Variants in MED12L observed in about 807,000 individuals in gnomAD.
MED12L encodes mediator complex subunit 12L.
MED12L carries 60 observed loss-of-function variants against 281.3 expected under a neutral mutation model. The observed-to-expected ratio is 0.21, with a 90% CI of 0.17 to 0.26. MED12L has a LOEUF of 0.26. MED12L is among the 10% of genes least tolerant of loss of function. MED12L has a pLI of 1.00. For missense variants in MED12L, 2,146 were observed against 2,680.9 expected, an observed-to-expected ratio of 0.80 and a Z score of 4.41; for synonymous variants, 974 against 987.2, an observed-to-expected ratio of 0.99 and a Z score of 0.25.
chr3:151,417,635 G>A (rs1324193437), intron 43 of MED12L, among the ~76,000 whole-genome samples: 2 of 151,734 alleles, frequency 1.3e-5, no homozygotes, highest in African/African-American at 4.8e-5. Context: ...ACAGGCACCT[G>A]CCACCACACC....
At chr3:151,357,131 A>G in intron 19 of MED12L, 82 bp from the exon 20 acceptor site, 2 of 1,183,468 alleles carry the variant, frequency 1.7e-6, no homozygotes, top group South Asian at 1.7e-5. Context: ...ATGACTCAGT[A>G]TATCTATGGT....
intron 11 of MED12L, among the ~76,000 whole-genome samples, chr3:151,182,151 A>G (rs1722777108): frequency 6.6e-6 from 1 of 152,212 alleles, no homozygotes; most frequent in African/African-American, 2.4e-5. Flanking sequence ...CATTATTTAG[A>G]GATTAGAGCA....
intron 16 of MED12L, among the ~76,000 whole-genome samples, chr3:151,236,664 G>A (rs1732884374): frequency 1.3e-5 from 2 of 151,992 alleles, no homozygotes; most frequent in Admixed American, 1.3e-4. Context: ...ACATCTATAT[G>A]TATTCCTAAA....
At chr3:151,408,118 A>C (rs1183611041) in intron 39 of MED12L, among the ~76,000 whole-genome samples, 1 of 152,174 alleles carries the variant, frequency 6.6e-6, no homozygotes, top group African/African-American at 2.4e-5. Flanking sequence ...AGATCATGGC[A>C]CTGCCAGGTC....
chr3:151,408,036 A>G (rs909174542), intron 39 of MED12L, among the ~76,000 whole-genome samples: 2 of 152,202 alleles, frequency 1.3e-5, no homozygotes, highest in African/African-American at 4.8e-5. Context: ...TTTCATCCTT[A>G]ATGTCACACA....
intron 16 of MED12L, among the ~76,000 whole-genome samples, chr3:151,232,827 T>C (rs977017137): frequency 7.9e-5 from 12 of 152,098 alleles, no homozygotes; most frequent in Non-Finnish European, 1.6e-4. Context: ...AAGATAACTA[T>C]TGGGTACTAG....
intron 34 of MED12L, 28 bp from the exon 35 acceptor site, chr3:151,384,055 A>C: frequency 6.3e-7 from 1 of 1,598,756 alleles, no homozygotes; most frequent in South Asian, 1.1e-5. Context: ...TTTCACTTTA[A>C]GATGAAAATA....
At chr3:151,089,828 C>T (rs1183463935) in intron 2 of MED12L, among the ~76,000 whole-genome samples, 2 of 152,162 alleles carry the variant, frequency 1.3e-5, no homozygotes, top group African/African-American at 4.8e-5. Context: ...GTGCTCAAGC[C>T]TTTAAAGCAG....
In MED12L at chr3:151,313,328, C is replaced by T. The variant is rs75867799; in HGVS notation, c.2251-36731C>T. ...GGCCATTTATCTACTGTAGTCTATA[C>T]TATGGTACTAGTATATGGTAAATAT... On this transcript the variant is annotated intron_variant, in intron 16 of 44. Transcript: ENST00000687756. Among the ~76,000 whole-genome samples, 397 of 152,242 alleles carry T rather than the reference C, an allele frequency of 2.6e-3. 1 individual carries two copies. Among genetic ancestry groups the T allele is most frequent in the African/African-American group, 9.1e-3 (377 of 41,532 alleles).
intron 4 of MED12L, among the ~76,000 whole-genome samples, chr3:151,127,427 A>C (rs992665331): frequency 2.6e-5 from 4 of 152,198 alleles, no homozygotes; most frequent in Non-Finnish European, 4.4e-5. Context: ...GAGTAGGGAC[A>C]ATTTTCACTT....
chr3:151,418,021 C>A (rs1039921143), intron 43 of MED12L, among the ~76,000 whole-genome samples: 1 of 151,964 alleles, frequency 6.6e-6, no homozygotes, highest in African/African-American at 2.4e-5. Flanking sequence ...TCTAGTGTCC[C>A]GTACAAGAAC....
At chr3:151,326,302 C>T (rs1251757510) in intron 16 of MED12L, 1 of 152,484 alleles carries the variant, frequency 6.6e-6, no homozygotes. Context: ...ATAAAATAAA[C>T]CAAATGGGCT....
rs760583473 is a variant in MED12L, at chr3:151,198,560, G to A, written c.2250+4894G>A. The A allele has an allele frequency of 1.8e-5, 29 of 1,613,888 alleles. No homozygotes were observed. Among genetic ancestry groups the A allele is most frequent in the African/African-American group, 2.7e-5 (2 of 74,902 alleles). ...CAGGATAGGATCAAAGCACAGGTTC[G>A]ACACAGCCAGGAGCAGTGTAGCCTC... On this transcript the variant is annotated intron_variant, in intron 16 of 44. Transcript: ENST00000687756.
rs1049021224 is a variant in MED12L, at chr3:151,337,626, T to G, written c.2251-12433T>G. ...CTGCTAATACAGCTACAGTTTAGAT[T>G]AGTTTTCTATATTTTAAGATAGCTT... On this transcript the variant is annotated intron_variant, in intron 16 of 44. Coordinates refer to ENST00000687756, the MANE Select transcript of MED12L (RefSeq NM_001393769.1). The G allele has an allele frequency of 9.7e-5, 59 of 606,472 alleles. No individual in the cohort carries two copies. The African/African-American group carries it at 1.0e-3, about 10-fold the overall frequency. 37.6% of individuals were successfully genotyped at this position (606,472 alleles called of 1,614,324 possible). A position where few individuals can be genotyped will look rare whatever the true frequency, so the allele number is the denominator to read the frequency against.
At chr3:151,257,801 T>C (rs955221670) in intron 16 of MED12L, among the ~76,000 whole-genome samples, 5 of 152,178 alleles carry the variant, frequency 3.3e-5, no homozygotes, top group Non-Finnish European at 5.9e-5. Flanking sequence ...AGACCACCTT[T>C]TGTTCAAGTG....
At position 151,090,620 on chromosome 3, in the gene MED12L, G is replaced by A. The variant is rs563353317; in HGVS notation, c.99+3595G>A. Among the ~76,000 whole-genome samples the A allele has an allele frequency of 2.0e-5, 3 of 152,302 alleles. No individual in the cohort carries two copies. The South Asian group carries it at 6.2e-4, about 32-fold the overall frequency. ...GAAATCCGGTGACTGAGGGCTGTTG[G>A]GGAAAGTCAAGGTTAAAGCTGAAAG... On this transcript the variant is annotated intron_variant, in intron 2 of 44. Transcript: ENST00000687756.
At chr3:151,398,316 C>G (rs1045273715) in intron 39 of MED12L, among the ~76,000 whole-genome samples, 1 of 152,222 alleles carries the variant, frequency 6.6e-6, no homozygotes, top group Non-Finnish European at 1.5e-5. Flanking sequence ...TAAGACCTCA[C>G]AGAGTCCCCT....
intron 16 of MED12L, among the ~76,000 whole-genome samples, chr3:151,319,468 CGTGT>C (rs34335179): frequency 0.011 from 1,626 of 145,624 alleles, 21 homozygotes; most frequent in African/African-American, 0.013. Context: ...TGTGTGTGTG[CGTGT>C]GTGTGTGTGT....
At chr3:151,274,921 T>A (rs1741596319) in intron 16 of MED12L, among the ~76,000 whole-genome samples, 1 of 152,106 alleles carries the variant, frequency 6.6e-6, no homozygotes, top group South Asian at 2.1e-4. Context: ...GGCCAAAATA[T>A]CCCTAGAGTG....
Sources: allele counts gnomAD v4.1 joint callset (sites outside exome capture counted in the v4.1 genomes callset), GRCh38; gene constraint gnomAD v4.1.1; transcripts MANE v1.5; gene names NCBI Gene and HGNC (gene_info 2026-07-23, HGNC 2026-07-21).